Variants in IREB2 observed in about 807,000 individuals in gnomAD.
IREB2 encodes iron responsive element binding protein 2, also known as iron-responsive element-binding protein 2.
In IREB2, 39 loss-of-function variants were observed where a neutral mutation model predicts 118.8. The observed-to-expected ratio is 0.33, with a 90% CI of 0.25 to 0.43. The LOEUF (loss-of-function observed/expected upper bound fraction) is 0.43. Among genes scored for constraint, IREB2 ranks in the 20% least tolerant of loss-of-function variants. The pLI is 1.00. For missense variants in IREB2, 900 were observed against 1,147.3 expected (o/e 0.78, Z 3.11); for synonymous variants, 372 against 392.2 (o/e 0.95, Z 0.61).
chr15:78,450,903 C>G (rs2051015524), intron 2 of IREB2, among the ~76,000 whole-genome samples: 1 of 147,942 alleles, frequency 6.8e-6, no homozygotes, highest in Admixed American at 6.8e-5. Flanking sequence ...TGGTGTCCAC[C>G]TTTGGAAGTT....
At chr15:78,497,828 A>G (rs1302943327) in intron 21 of IREB2, among the ~76,000 whole-genome samples, 2 of 152,210 alleles carry the variant, frequency 1.3e-5, no homozygotes, top group Non-Finnish European at 1.5e-5. Context: ...CTACTTAACT[A>G]TGAAGCCCAT....
chr15:78,497,218 A>C lies in IREB2; in HGVS notation c.2688A>C (p.Gly896=). 6.2e-7 allele frequency: 1 copy of C among 1,613,870 alleles called. No homozygotes were observed. The highest frequency in any genetic ancestry group is 8.5e-7 in the Non-Finnish European group (1 of 1,179,736). The change falls in exon 21 of 22, where the codon GGA becomes GGC. Residue 896 remains glycine (G), a synonymous_variant. Coordinates refer to ENST00000258886, the MANE Select transcript of IREB2 (RefSeq NM_004136.4). The part of the protein sequence containing the change: ...IGIAPLQFLP[G]ENADSLGLSG... ...TAGCTCCACTTCAGTTCCTTCCAGG[A>C]GAAAATGCAGATTCCTTGGGCCTCT...
intron 2 of IREB2, among the ~76,000 whole-genome samples, chr15:78,451,174 C>T (rs1488372386): frequency 6.6e-6 from 1 of 152,008 alleles, no homozygotes; most frequent in African/African-American, 2.4e-5. Flanking sequence ...CCATGTTGGC[C>T]AGGCTGGTCT....
At chr15:78,473,537 C>T in intron 8 of IREB2, 156 bp downstream of exon 8, 1 of 610,476 alleles carries the variant, frequency 1.6e-6, no homozygotes, top group Admixed American at 3.1e-5. Flanking sequence ...TAACAACAAA[C>T]AGAGCATTTA....
intron 18 of IREB2, among the ~76,000 whole-genome samples, chr15:78,491,590 C>CTACTAGCT (rs1462436167): frequency 4.6e-5 from 7 of 152,104 alleles, no homozygotes; most frequent in Non-Finnish European, 7.4e-5. Flanking sequence ...CTCTGCATCC[C>CTACTAGCT]GGGTTCAAGC....
rs1039371050 is a variant in IREB2 at position 78,500,675 on chromosome 15, A to G, written c.*2532A>G. 1.3e-5 allele frequency: 2 copies of G among 152,180 alleles called. No individual in the cohort carries two copies. Among genetic ancestry groups the G allele is most frequent in the African/African-American group, 4.8e-5 (2 of 41,438 alleles). The allele number at this position is 152,180 out of a possible 1,614,324, so 9.4% of individuals were successfully genotyped here. A position where few individuals can be genotyped will look rare whatever the true frequency, so the allele number is the denominator to read the frequency against. On this transcript the variant is annotated 3_prime_UTR_variant, in exon 22 of 22. Transcript: ENST00000258886. ...TTATACTTTGAAAACATTATGCTAC[A>G]TATCATTGCCATTTTCATATTTTGG...
rs1313934566 is a variant in IREB2 at position 78,490,683 on chromosome 15, C to T, written c.2246C>T (p.Ser749Phe). Residue 749 changes from serine to phenylalanine, a missense_variant, in exon 18 of 22, where the codon TCT becomes TTT. Transcript: ENST00000258886. ...CATGTCTTATTATATTTGGGAGACT[C>T]TGTCACAACAGATCATATATCACCT... is the stretch of plus-strand genomic sequence containing the variant. ...NAHVLLYLGD[S>F]VTTDHISPAG... is the part of the protein sequence containing the mutation. 1 of 1,613,958 alleles carries T rather than the reference C, an allele frequency of 6.2e-7. No homozygotes were observed. The highest frequency in any genetic ancestry group is 8.5e-7 in the Non-Finnish European group (1 of 1,179,826).
intron 3 of IREB2, among the ~76,000 whole-genome samples, chr15:78,464,453 T>C (rs949638947): frequency 6.6e-6 from 1 of 152,238 alleles, no homozygotes; most frequent in Admixed American, 6.5e-5. Context: ...GCTGCTATTA[T>C]GGTACTTACG....
rs2051242400 is a variant in IREB2 at position 78,464,138 on chromosome 15, T to C, written c.272+1051T>C. Among the ~76,000 whole-genome samples, 2 of 152,260 alleles carry C rather than the reference T, an allele frequency of 1.3e-5. 1 individual carries two copies. Among genetic ancestry groups the C allele is most frequent in the South Asian group, 4.1e-4 (2 of 4,836 alleles). On this transcript the variant is annotated intron_variant, in intron 3 of 21. Transcript: ENST00000258886. ...ACTATAACTGCAATAGTCTCTTAAC[T>C]GGTATCCTTGCTGTCACACTTGCAA...
chr15:78,446,075 T>A (rs1202222189), intron 2 of IREB2, among the ~76,000 whole-genome samples: 1 of 152,216 alleles, frequency 6.6e-6, no homozygotes, highest in Non-Finnish European at 1.5e-5. Flanking sequence ...TGATCCATTG[T>A]ATCCAGCTCA....
chr15:78,451,812 C>G (rs1448313927), intron 2 of IREB2, among the ~76,000 whole-genome samples: 1 of 152,110 alleles, frequency 6.6e-6, no homozygotes, highest in African/African-American at 2.4e-5. Flanking sequence ...CTCAGCCTTC[C>G]TAGTAGCTGG....
intron 18 of IREB2, 107 bp downstream of exon 18, chr15:78,490,868 G>A (rs1361682356): frequency 9.3e-6 from 10 of 1,070,408 alleles, no homozygotes; most frequent in South Asian, 1.6e-5. Context: ...TGCTATCGTA[G>A]GTAATCTGAC....
intron 13 of IREB2, among the ~76,000 whole-genome samples, chr15:78,486,362 T>G (rs1228047756): frequency 6.6e-6 from 1 of 152,220 alleles, no homozygotes; most frequent in African/African-American, 2.4e-5. Context: ...ATCCCAGCAC[T>G]TGGGGAGGCC....
intron 5 of IREB2, among the ~76,000 whole-genome samples, chr15:78,468,144 G>C (rs1000512379): frequency 6.6e-6 from 1 of 152,076 alleles, no homozygotes; most frequent in African/African-American, 2.4e-5. Context: ...ATGAGCTACT[G>C]TGCCCAGCCA....
chr15:78,473,614 C>T, intron 8 of IREB2: 1 of 454,104 alleles, frequency 2.2e-6, no homozygotes, highest in Non-Finnish European at 3.9e-6. Flanking sequence ...GTCCTTATAA[C>T]AAGCCTGTGA....
Position 78,484,802 on chromosome 15 carries a change from G to A in IREB2, c.1455G>A (p.Lys485=). The change falls in exon 12 of 22, where the codon AAG becomes AAA. Residue 485 remains lysine, a synonymous_variant. Transcript: ENST00000258886. ...TCCAAATTGCAGCTGAAAAACAAAA[G>A]GATATTGTCTCCATTCATTATGAAG... ...KGFQIAAEKQ[K]DIVSIHYEGS... is the part of the protein sequence containing the mutation. The A allele has an allele frequency of 1.2e-6, 2 of 1,613,544 alleles. No individual in the cohort carries two copies. Among genetic ancestry groups the A allele is most frequent in the Non-Finnish European group, 8.5e-7 (1 of 1,179,738 alleles).
intron 5 of IREB2, among the ~76,000 whole-genome samples, chr15:78,468,445 C>T (rs543907136): frequency 6.6e-6 from 1 of 151,496 alleles, no homozygotes; most frequent in South Asian, 2.1e-4. Context: ...GAGATGGGCA[C>T]TATGCTGTCC....
chr15:78,466,219 A>C (rs1233371458), intron 4 of IREB2, 52 bp from the exon 5 acceptor site: 1 of 1,281,600 alleles, frequency 7.8e-7, no homozygotes, highest in Non-Finnish European at 1.1e-6. Context: ...TTAAGAGCTA[A>C]ATTTGTGTCC....
At chr15:78,497,990 G>A (rs1032718187) in intron 21 of IREB2, 43 bp from the exon 22 acceptor site, 2 of 1,105,260 alleles carry the variant, frequency 1.8e-6, no homozygotes, top group Non-Finnish European at 2.8e-6. Flanking sequence ...GTAGCACCTG[G>A]AAGATTTACT....
Sources: allele counts gnomAD v4.1 joint callset (sites outside exome capture counted in the v4.1 genomes callset), GRCh38; gene constraint gnomAD v4.1.1; transcripts MANE v1.5; gene names NCBI Gene and HGNC (gene_info 2026-07-23, HGNC 2026-07-21).